GALNT2: variants seen among roughly 807,000 people sequenced by gnomAD.
The protein encoded by GALNT2 is UDP-GalNAc:polypeptide N-acetylgalactosaminyltransferase 2.
GALNT2 carries 31 observed loss-of-function variants against 81.4 expected under a neutral mutation model. The ratio of observed to expected loss-of-function variants is 0.38; its 90% CI spans 0.29 to 0.51. The LOEUF is 0.51. Ranked by LOEUF, GALNT2 falls within the 20% of genes least tolerant of loss-of-function variation. The probability of loss-of-function intolerance (pLI) is 0.87; values close to 1 mark genes in which losing one functional copy is unlikely to be tolerated. For missense variants in GALNT2, 629 were observed against 765.7 expected, an observed-to-expected ratio of 0.82 and a Z score of 2.11; for synonymous variants, 303 against 287.4, an observed-to-expected ratio of 1.05 and a Z score of -0.55.
Position 230,090,725 on chromosome 1 carries a change from T to G in GALNT2, c.126+23319T>G, listed in dbSNP as rs1558279232. The stretch of plus-strand genomic sequence containing the variant: ...TGTGTAACACGTTTGCAGAAATAGT[T>G]GAAGCTTATTATTTTCTTCAAAAGA... On this transcript the variant is annotated intron_variant, in intron 1 of 15. Transcript: ENST00000366672. 2.0e-5 allele frequency among the ~76,000 whole-genome samples: 3 copies of G among 152,228 alleles called. No individual in the cohort carries two copies. In the South Asian group the frequency reaches 6.2e-4, roughly 32 times the overall value.
chr1:230,183,383 C>T (rs960066751), intron 2 of GALNT2, among the ~76,000 whole-genome samples: 3 of 151,912 alleles, frequency 2.0e-5, no homozygotes, highest in Admixed American at 2.0e-4. Flanking sequence ...TGCCTTTTGT[C>T]GTTTTAATTG....
chr1:230,064,613 C>T (rs548898681), upstream of GALNT2, among the ~76,000 whole-genome samples: 3 of 152,252 alleles, frequency 2.0e-5, no homozygotes, highest in African/African-American at 7.2e-5. Flanking sequence ...CTCTGCCTCC[C>T]GGGTTCAAAT....
chr1:230,203,033 G>A (rs986159443), intron 2 of GALNT2, 104 bp from the exon 3 acceptor site: 1 of 1,271,492 alleles, frequency 7.9e-7, no homozygotes, highest in African/African-American at 1.5e-5. Flanking sequence ...ACTATATAAA[G>A]AAGCCATGGA....
chr1:230,251,552 G>A (rs1278855966), intron 10 of GALNT2, among the ~76,000 whole-genome samples: 3 of 152,118 alleles, frequency 2.0e-5, no homozygotes, highest in South Asian at 2.1e-4. Context: ...TGGAGAGACC[G>A]TGAGTCAAAC....
chr1:230,186,192 A>C (rs1247025647), intron 2 of GALNT2, among the ~76,000 whole-genome samples: 1 of 152,122 alleles, frequency 6.6e-6, no homozygotes, highest in African/African-American at 2.4e-5. Context: ...TTTGCTGGTG[A>C]GAGTGTTTGC....
intron 14 of GALNT2, among the ~76,000 whole-genome samples, chr1:230,270,342 C>A (rs1666134950): frequency 6.6e-6 from 1 of 152,310 alleles, no homozygotes; most frequent in East Asian, 1.9e-4. Context: ...CTTGGGAGCA[C>A]CTTACTGCCT....
At chr1:230,278,348 C>G (rs953602277) in intron 15 of GALNT2, among the ~76,000 whole-genome samples, 1 of 152,028 alleles carries the variant, frequency 6.6e-6, no homozygotes, top group Non-Finnish European at 1.5e-5. Context: ...TGGTCTTGAA[C>G]TCCTGGCCTC....
At chr1:230,066,865 G>A (rs953601031), upstream of GALNT2, among the ~76,000 whole-genome samples, 2 of 151,848 alleles carry the variant, frequency 1.3e-5, no homozygotes, top group Non-Finnish European at 2.9e-5. Flanking sequence ...TCACGGGGGA[G>A]GGGGCGGCCG....
chr1:230,276,310 G>A (rs969463762), intron 15 of GALNT2, among the ~76,000 whole-genome samples: 1 of 152,084 alleles, frequency 6.6e-6, no homozygotes, highest in African/African-American at 2.4e-5. Flanking sequence ...AACAGTTAGT[G>A]TCAGGAATAG....
chr1:230,212,224 T>G (rs892763594), intron 3 of GALNT2, among the ~76,000 whole-genome samples: 4 of 152,114 alleles, frequency 2.6e-5, no homozygotes, highest in Non-Finnish European at 5.9e-5. Flanking sequence ...TGTCTAACAG[T>G]TGTGGCTCCC....
chr1:230,160,306 A>G (rs1174122733), intron 1 of GALNT2, among the ~76,000 whole-genome samples: 2 of 152,298 alleles, frequency 1.3e-5, no homozygotes, highest in East Asian at 3.9e-4. Context: ...CACTATCCCC[A>G]TTCTGTAGGC....
intron 3 of GALNT2, among the ~76,000 whole-genome samples, chr1:230,226,264 GCATTTTCTGTGGA>G (rs1445069577): frequency 3.3e-5 from 5 of 152,174 alleles, no homozygotes; most frequent in Non-Finnish European, 5.9e-5. Context: ...AATGGCGTAA[GCATTTTCTGTGGA>G]TGAGGGCAAG....
intron 3 of GALNT2, among the ~76,000 whole-genome samples, chr1:230,234,954 C>T (rs1004116973): frequency 3.9e-5 from 6 of 152,064 alleles, no homozygotes; most frequent in African/African-American, 7.2e-5. Flanking sequence ...TGGCTCATGC[C>T]GGTAATCCTA....
At chr1:230,234,918 A>G (rs1664978281) in intron 3 of GALNT2, among the ~76,000 whole-genome samples, 1 of 152,178 alleles carries the variant, frequency 6.6e-6, no homozygotes, top group Non-Finnish European at 1.5e-5. Flanking sequence ...GCTATTTTTT[A>G]AAACAGCTAT....
intron 1 of GALNT2, among the ~76,000 whole-genome samples, chr1:230,177,309 C>T (rs1379581433): frequency 1.3e-5 from 2 of 152,224 alleles, no homozygotes; most frequent in African/African-American, 2.4e-5. Context: ...CTGGGTTCCC[C>T]GCCCCGCAGG....
At chr1:230,085,728 G>A (rs1240258470) in intron 1 of GALNT2, among the ~76,000 whole-genome samples, 3 of 152,252 alleles carry the variant, frequency 2.0e-5, no homozygotes, top group African/African-American at 7.2e-5. Context: ...GCAGGATTAG[G>A]CATCTGAGGT....
rs1304713461 is a variant in GALNT2, at chr1:230,271,564, C to T, written c.1441-2881C>T. Among the ~76,000 whole-genome samples, 1 of 152,236 alleles carries T rather than the reference C, an allele frequency of 6.6e-6. No individual in the cohort carries two copies. The highest frequency in any genetic ancestry group is 1.5e-5 in the Non-Finnish European group (1 of 68,042). Reference sequence around the variant, plus strand: ...TGCCAGTCACAAGTCCAAGTTGTCACCTGCTGTCTGACTGTAAATCAGGGC... The same window carrying T: ...TGCCAGTCACAAGTCCAAGTTGTCATCTGCTGTCTGACTGTAAATCAGGGC... On this transcript the variant is annotated intron_variant, in intron 14 of 15. Transcript: ENST00000366672. This position sits in a 1 kb window ranked among gnomAD's most constrained non-coding sequence, Gnocchi z 4.2.
intron 1 of GALNT2, among the ~76,000 whole-genome samples, chr1:230,164,095 G>T (rs1013104737): frequency 3.3e-5 from 5 of 152,166 alleles, no homozygotes; most frequent in African/African-American, 1.2e-4. Flanking sequence ...CAAAGATACT[G>T]TGAAGAACAC....
intron 1 of GALNT2, among the ~76,000 whole-genome samples, chr1:230,085,180 C>G (rs1173317663): frequency 6.6e-6 from 1 of 152,206 alleles, no homozygotes; most frequent in East Asian, 1.9e-4. Context: ...CTGCGGATGG[C>G]AGACATACCT....
Sources: gnomAD v4.1 joint callset for allele counts (sites outside exome capture counted in the v4.1 genomes callset) on GRCh38, gnomAD v4.1.1 for gene constraint, Gnocchi (gnomAD v3.1) non-coding constraint, MANE v1.5 for transcripts, NCBI Gene and HGNC (gene_info 2026-07-23, HGNC 2026-07-21) for gene names.